Variants in PTPRG observed in about 807,000 individuals in gnomAD.
PTPRG encodes receptor-type tyrosine-protein phosphatase gamma.
Under a neutral mutation model 165.3 loss-of-function variants are expected in PTPRG, and 102 were observed. That is an observed-to-expected ratio of 0.62 (90% CI 0.53 to 0.73). PTPRG has a LOEUF of 0.73. Among genes scored for constraint, PTPRG ranks in the 30% least tolerant of loss-of-function variants. The pLI, the probability that PTPRG is intolerant of heterozygous loss-of-function variation, is 0.00. For synonymous variants in PTPRG, 675 were observed against 669.5 expected (o/e 1.01, Z -0.13); for missense variants, 1,866 against 1,861.4 (o/e 1.00, Z -0.05).
At chr3:61,753,550 A>G (rs1294362554) in intron 2 of PTPRG, 3 of 443,464 alleles carry the variant, frequency 6.8e-6, no homozygotes. Context: ...AAAATAAATC[A>G]TAAATCTAGA....
chr3:61,998,094 T>C (rs1229900008), intron 3 of PTPRG, among the ~76,000 whole-genome samples: 6 of 152,252 alleles, frequency 3.9e-5, no homozygotes, highest in African/African-American at 1.4e-4. Flanking sequence ...GAACATTTGC[T>C]TTAGCCTGTG....
chr3:61,743,627 A>G (rs9311830), intron 1 of PTPRG, among the ~76,000 whole-genome samples: 18,977 of 152,068 alleles, frequency 0.12, 1,406 homozygotes, highest in East Asian at 0.21. Context: ...TGATATTCCA[A>G]TTTCTCGCTG....
At chr3:61,949,220 G>A (rs998179321) in intron 2 of PTPRG, among the ~76,000 whole-genome samples, 4 of 152,168 alleles carry the variant, frequency 2.6e-5, no homozygotes, top group African/African-American at 7.2e-5. Flanking sequence ...AACCAGGTGT[G>A]CTGGGGTATT....
At chr3:62,159,886 A>G (rs77442772) in intron 7 of PTPRG, among the ~76,000 whole-genome samples, 1 of 152,212 alleles carries the variant, frequency 6.6e-6, no homozygotes, top group Non-Finnish European at 1.5e-5. Flanking sequence ...TGTGGAGGTC[A>G]CAGCTGTGTC....
intron 2 of PTPRG, among the ~76,000 whole-genome samples, chr3:61,978,897 T>TA (rs2040571019): frequency 6.6e-6 from 1 of 152,174 alleles, no homozygotes; most frequent in Non-Finnish European, 1.5e-5. Flanking sequence ...GAGCATGGTT[T>TA]AGTCCCGTAG....
Position 62,203,159 on chromosome 3 carries a change from G to A in PTPRG, c.1378-14G>A, listed in dbSNP as rs368810951. ...TCTGCCTCTTTTCCACCCTTGCCGG[G>A]TGACCCTTTCCAGCCCACAGCGTCT... On this transcript the variant is annotated splice_polypyrimidine_tract_variant and intron_variant, in intron 11 of 29. Transcript: ENST00000474889. The surrounding 1 kb of genome is among the most constrained non-coding windows in gnomAD (Gnocchi z 6.4). 1.2e-5 allele frequency: 19 copies of A among 1,558,250 alleles called. No homozygotes were observed. In the African/African-American group the frequency reaches 1.6e-4, roughly 13 times the overall value.
Position 62,273,661 on chromosome 3 carries a change from C to T in PTPRG, c.3319-37C>T. 1.2e-6 allele frequency: 2 copies of T among 1,605,866 alleles called. No individual in the cohort carries two copies. Among genetic ancestry groups the T allele is most frequent in the Non-Finnish European group, 1.7e-6 (2 of 1,173,244 alleles). On this transcript the variant is annotated intron_variant, in intron 22 of 29. Transcript: ENST00000474889. The surrounding 1 kb of genome is among the most constrained non-coding windows in gnomAD (Gnocchi z 4.1). ...TCATGAATGAGTGGCTAACCCTTAA[C>T]ACTCCCTCAGTGACTACCATGTATT...
At chr3:62,243,088 A>C (rs924976117) in intron 14 of PTPRG, among the ~76,000 whole-genome samples, 6 of 152,102 alleles carry the variant, frequency 3.9e-5, no homozygotes, top group Admixed American at 2.6e-4. Context: ...AGGAAAGCTG[A>C]GGGCCAGCCA....
chr3:62,160,570 G>T (rs754673764), intron 7 of PTPRG, among the ~76,000 whole-genome samples: 12 of 152,370 alleles, frequency 7.9e-5, no homozygotes, highest in Admixed American at 1.3e-4. Context: ...ACAACACATG[G>T]AGATGGTTGC....
At chr3:61,853,379 G>T (rs1052660096) in intron 2 of PTPRG, among the ~76,000 whole-genome samples, 2 of 152,198 alleles carry the variant, frequency 1.3e-5, no homozygotes, top group Non-Finnish European at 2.9e-5. Context: ...AGGAATTGCG[G>T]CTTCTGCCTT....
chr3:62,193,813 G>A (rs1699896952), intron 9 of PTPRG, among the ~76,000 whole-genome samples: 1 of 152,224 alleles, frequency 6.6e-6, no homozygotes, highest in African/African-American at 2.4e-5. Context: ...CTCCCAATCG[G>A]TGGCTAAGCT....
At chr3:61,620,926 G>A (rs148798296) in intron 1 of PTPRG, among the ~76,000 whole-genome samples, 88 of 151,808 alleles carry the variant, frequency 5.8e-4, no homozygotes, top group Middle Eastern at 6.8e-3. Context: ...ACCGCGCCCG[G>A]CCTTACAGTT....
chr3:62,263,064 C>T, intron 17 of PTPRG, 170 bp downstream of exon 17: 2 of 550,094 alleles, frequency 3.6e-6, no homozygotes, highest in Non-Finnish European at 6.4e-6. Flanking sequence ...ACATTTTCTT[C>T]CCCCTTAGCC....
intron 2 of PTPRG, among the ~76,000 whole-genome samples, chr3:61,924,577 A>G (rs1411552194): frequency 2.0e-5 from 3 of 152,240 alleles, no homozygotes; most frequent in Admixed American, 6.5e-5. Context: ...ACTTACATGT[A>G]GTAGTGAACA....
At chr3:61,625,965 T>C (rs1575546927) in intron 1 of PTPRG, among the ~76,000 whole-genome samples, 1 of 152,154 alleles carries the variant, frequency 6.6e-6, no homozygotes, top group East Asian at 1.9e-4. Flanking sequence ...AGCAGAGTCA[T>C]TTATGCATTA....
chr3:62,215,298 A>G (rs762636727), intron 12 of PTPRG, among the ~76,000 whole-genome samples: 8 of 152,170 alleles, frequency 5.3e-5, no homozygotes, highest in Non-Finnish European at 1.0e-4. Context: ...TTGAAAATGA[A>G]ATCAACTTTA....
chr3:61,771,056 T>G (rs956694631), intron 2 of PTPRG: 4 of 152,226 alleles, frequency 2.6e-5, no homozygotes, highest in African/African-American at 9.6e-5. Flanking sequence ...TTATTTCTCC[T>G]TCTATTCATC....
At chr3:61,927,430 A>G (rs72884111) in intron 2 of PTPRG, among the ~76,000 whole-genome samples, 3,209 of 152,214 alleles carry the variant, frequency 0.021, 113 homozygotes, top group African/African-American at 0.069. Context: ...AGAGAGGCCT[A>G]TTGGAGATGG....
chr3:62,190,765 A>G lies in PTPRG; in HGVS notation c.1034-704A>G, dbSNP rs1320261370. ...TTAGTTAGCACACTCCACCAGTCCA[A>G]CGGCCTGGCTTCTTCAAAACGTCCA... On this transcript the variant is annotated intron_variant, in intron 8 of 29. Transcript: ENST00000474889. The surrounding 1 kb of genome is among the most constrained non-coding windows in gnomAD (Gnocchi z 5.2). Among the ~76,000 whole-genome samples, 1 of 152,228 alleles carries G rather than the reference A, an allele frequency of 6.6e-6. No homozygotes were observed. Among genetic ancestry groups the G allele is most frequent in the East Asian group, 1.9e-4 (1 of 5,200 alleles).
Sources: gnomAD v4.1 joint callset for allele counts (sites outside exome capture counted in the v4.1 genomes callset) on GRCh38, gnomAD v4.1.1 for gene constraint, Gnocchi (gnomAD v3.1) non-coding constraint, MANE v1.5 for transcripts, NCBI Gene and HGNC (gene_info 2026-07-23, HGNC 2026-07-21) for gene names.